TNFAIP2: variants seen among roughly 807,000 people sequenced by gnomAD.
The protein encoded by TNFAIP2 is tumor necrosis factor alpha-induced protein 2.
Under a neutral mutation model 63.5 loss-of-function variants are expected in TNFAIP2, and 47 were observed. The ratio of observed to expected loss-of-function variants is 0.74; its 90% confidence interval spans 0.59 to 0.94. TNFAIP2 has a LOEUF of 0.94. Among genes scored for constraint, TNFAIP2 ranks in the 40% least tolerant of loss-of-function variants. TNFAIP2 has a pLI of 0.00. For synonymous variants in TNFAIP2, 405 were observed against 390.2 expected, an observed-to-expected ratio of 1.04 and a Z score of -0.45; for missense variants, 787 against 850.2, an observed-to-expected ratio of 0.93 and a Z score of 0.92.
Position 103,131,777 on chromosome 14 carries a change from T to C in TNFAIP2, c.1422+15T>C. On this transcript the variant is annotated intron_variant, in intron 8 of 11. Transcript: ENST00000560869. The surrounding 1 kb of genome is among the most constrained non-coding windows in gnomAD (Gnocchi z 4.0). Reference sequence around the variant, plus strand: ...AGGACCTGAAGGTAGCGGGAGCCTCTTGCCCTCAGGAGCCCAGTGTTGGGG... The same window carrying C: ...AGGACCTGAAGGTAGCGGGAGCCTCCTGCCCTCAGGAGCCCAGTGTTGGGG... 6.2e-7 allele frequency: 1 copy of C among 1,607,826 alleles called. No homozygotes were observed. Among genetic ancestry groups the C allele is most frequent in the Non-Finnish European group, 8.5e-7 (1 of 1,177,214 alleles).
chr14:103,133,580 T>G, intron 10 of TNFAIP2, 63 bp downstream of exon 10: 5 of 1,590,600 alleles, frequency 3.1e-6, no homozygotes, highest in Middle Eastern at 1.7e-4. Flanking sequence ...CCCTAGCCCT[T>G]TCAGGGTCGG....
upstream of TNFAIP2, chr14:103,122,738 C>T (rs924652923): frequency 2.2e-6 from 1 of 455,882 alleles, no homozygotes; most frequent in African/African-American, 2.0e-5. Context: ...CTGCCTGCTC[C>T]GGCAGCCTGT....
At chr14:103,129,514 G>A in intron 3 of TNFAIP2, among the ~76,000 whole-genome samples, 1 of 119,500 alleles carries the variant, frequency 8.4e-6, no homozygotes, top group East Asian at 2.3e-4. Context: ...TGGGGGGGGG[G>A]TGGTGAGAGA....
rs2139551999 is a variant in TNFAIP2 at position 103,127,248 on chromosome 14, A to G, written c.479A>G (p.Glu160Gly). ...RLRQALAVVAEQEREDRQAAA... is the reference protein window; with the variant it reads ...RLRQALAVVAGQEREDRQAAA... Reference sequence around the variant, plus strand: ...CGCCAGGCGCTGGCCGTGGTGGCGGAGCAGGAGCGCGAGGACCGCCAGGCG... The same window carrying G: ...CGCCAGGCGCTGGCCGTGGTGGCGGGGCAGGAGCGCGAGGACCGCCAGGCG... The change falls in exon 3 of 12, where the codon GAG becomes GGG. Residue 160 changes from glutamate (E) to glycine (G), a missense_variant. Coordinates refer to ENST00000560869, the MANE Select transcript of TNFAIP2 (RefSeq NM_006291.4). This position sits in a 1 kb window ranked among gnomAD's most constrained non-coding sequence, Gnocchi z 5.1. 4 of 1,041,074 alleles carry G rather than the reference A, an allele frequency of 3.8e-6. No individual in the cohort carries two copies. Among genetic ancestry groups the G allele is most frequent in the Non-Finnish European group, 4.6e-6 (4 of 866,548 alleles). The allele number at this position is 1,041,074 out of a possible 1,614,324, so 64.5% of individuals were successfully genotyped here.
rs753184579 is a variant in TNFAIP2 at position 103,133,431 on chromosome 14, GTCC to G, written c.1618_1620del (p.Leu540del). 6.2e-7 allele frequency: 1 copy of G among 1,613,984 alleles called. No individual in the cohort carries two copies. On this transcript the variant is annotated inframe_deletion, in exon 10 of 12. Coordinates refer to ENST00000560869, the MANE Select transcript of TNFAIP2 (RefSeq NM_006291.4). ...CATCCAACTCAGCAAGGGGCGCCTG[GTCC>G]TCAAGACGGCCGAGCAGCAGCAGCA...
At chr14:103,128,486 G>A (rs1196068203) in intron 3 of TNFAIP2, among the ~76,000 whole-genome samples, 1 of 152,206 alleles carries the variant, frequency 6.6e-6, no homozygotes, top group Non-Finnish European at 1.5e-5. Context: ...GCCCAGGGCG[G>A]GGGAGTCCAG....
At chr14:103,125,770 C>T (rs184512638) in intron 1 of TNFAIP2, among the ~76,000 whole-genome samples, 28 of 152,320 alleles carry the variant, frequency 1.8e-4, no homozygotes, top group Non-Finnish European at 3.2e-4. Context: ...GTGACCCCAC[C>T]GCTGGATCAG....
At position 103,136,424 on chromosome 14, in the gene TNFAIP2, ACTTCAGGCTCCTCCAT is replaced by A. The variant is rs2088096470; in HGVS notation, c.*1071_*1086del. ...TTTTAGAGGCTGACCGTAATTCTTG[ACTTCAGGCTCCTCCAT>A]CTTCAGAGCCAGCTGTGGGTAGTTG... On this transcript the variant is annotated 3_prime_UTR_variant, in exon 12 of 12. Transcript: ENST00000560869. 4 of 152,284 alleles carry A rather than the reference ACTTCAGGCTCCTCCAT, an allele frequency of 2.6e-5. No individual in the cohort carries two copies. Among genetic ancestry groups the A allele is most frequent in the Admixed American group, 2.6e-4 (4 of 15,280 alleles). The allele number at this position is 152,284 out of a possible 1,614,324, so 9.4% of individuals were successfully genotyped here.
upstream of TNFAIP2, chr14:103,122,844 G>T (rs1443703843): frequency 2.2e-6 from 1 of 455,116 alleles, no homozygotes; most frequent in Non-Finnish European, 4.4e-6. Flanking sequence ...GGTGTGAGCC[G>T]GGTCAGCCAC....
rs1467600988 is a variant in TNFAIP2, at chr14:103,135,326, C to A, written c.1931C>A (p.Ser644Tyr). 1 of 1,613,134 alleles carries A rather than the reference C, an allele frequency of 6.2e-7. No individual in the cohort carries two copies. The highest frequency in any genetic ancestry group is 1.1e-5 in the South Asian group (1 of 91,044). The part of the protein sequence containing the change: ...LDVSMGAQEP[S>Y]RPLFSLIKVG ...GTCAGCATGGGGGCGCAGGAGCCCT[C>A]CCGGCCCCTATTTTCCCTTATAAAG... The change falls in exon 12 of 12, where the codon TCC becomes TAC. Residue 644 changes from serine (S) to tyrosine (Y), a missense_variant. This residue lies in a region of TNFAIP2 where 523 missense variants were observed against 604.1 expected (regional missense o/e 0.87). Transcript: ENST00000560869. The surrounding 1 kb of genome is among the most constrained non-coding windows in gnomAD (Gnocchi z 7.6).
chr14:103,132,979 CAT>C lies in TNFAIP2; in HGVS notation c.1545+108_1545+109del, dbSNP rs2088010351. 12 of 1,508,976 alleles carry C rather than the reference CAT, an allele frequency of 8.0e-6. No individual in the cohort carries two copies. In the South Asian group the frequency reaches 1.2e-4, roughly 15 times the overall value. The allele number at this position is 1,508,976 out of a possible 1,614,324, so 93.5% of individuals were successfully genotyped here. ...TCACGCACATGTGCTCACACGCGCA[CAT>C]GTGAACACACGTGAATGCACGAGCA... is the stretch of plus-strand genomic sequence containing the variant. On this transcript the variant is annotated intron_variant, in intron 9 of 11. Transcript: ENST00000560869.
In TNFAIP2 at chr14:103,131,144, C is replaced by T; in HGVS notation, c.1292C>T (p.Ser431Phe). The change falls in exon 7 of 12, where the codon TCC (serine) becomes TTC (phenylalanine). Residue 431 changes from serine (S) to phenylalanine (F), a missense_variant. Physicochemically the swap from Ser to Phe is radical, Grantham distance 155 (BLOSUM62 -2). Transcript: ENST00000560869. The surrounding 1 kb of genome is among the most constrained non-coding windows in gnomAD (Gnocchi z 4.0). ...NVIANINNCL[S>F]FRMSMEQNWQ... ...ATTGCCAACATCAACAACTGCCTGT[C>T]CTTCCGGTGAGAGTGTTGGGAGGGG... The T allele has an allele frequency of 6.2e-7, 1 of 1,614,136 alleles. No individual in the cohort carries two copies.
At position 103,135,693 on chromosome 14, in the gene TNFAIP2, C is replaced by G. The variant is rs2088080656; in HGVS notation, c.*333C>G. 2 of 1,247,008 alleles carry G rather than the reference C, an allele frequency of 1.6e-6. No homozygotes were observed. Among genetic ancestry groups the G allele is most frequent in the South Asian group, 3.0e-5 (2 of 65,920 alleles). The allele number at this position is 1,247,008 out of a possible 1,614,324, so 77.2% of individuals were successfully genotyped here. A position where few individuals can be genotyped will look rare whatever the true frequency, so the allele number is the denominator to read the frequency against. On this transcript the variant is annotated 3_prime_UTR_variant, in exon 12 of 12. Coordinates refer to ENST00000560869, the MANE Select transcript of TNFAIP2 (RefSeq NM_006291.4). This position sits in a 1 kb window ranked among gnomAD's most constrained non-coding sequence, Gnocchi z 7.6. ...CAGGCTCAGGGATCCCCGGACACCTCTGTCCAGAGCCCCTCCACAGTCGGC... is the reference window on the plus strand; with the variant it reads ...CAGGCTCAGGGATCCCCGGACACCTGTGTCCAGAGCCCCTCCACAGTCGGC...
Position 103,133,707 on chromosome 14 carries a change from C to T in TNFAIP2, c.1727C>T (p.Pro576Leu). The T allele has an allele frequency of 6.3e-7, 1 of 1,583,640 alleles. No individual in the cohort carries two copies. Among genetic ancestry groups the T allele is most frequent in the Non-Finnish European group, 8.6e-7 (1 of 1,169,032 alleles). ...QHGSPATWLQ[P>L]ALPTLAEIIR... is the part of the protein sequence containing the mutation. ...GGCTCCCCGGCGACCTGGCTGCAGC[C>T]TGCTCTCCCTACGCTGGCCGAGATC... is the stretch of plus-strand genomic sequence containing the variant. The change falls in exon 11 of 12, where the codon CCT (proline) becomes CTT (leucine). Residue 576 changes from proline (P) to leucine (L), a missense_variant. Around this residue, in one of 3 missense-constraint regions of TNFAIP2, gnomAD observed 523 missense variants for 604.1 expected, o/e 0.87. Transcript: ENST00000560869.
At chr14:103,125,532 T>C (rs2087835027) in intron 1 of TNFAIP2, among the ~76,000 whole-genome samples, 1 of 152,080 alleles carries the variant, frequency 6.6e-6, no homozygotes, top group Admixed American at 6.5e-5. Context: ...CTGCAGAAAC[T>C]GGAAGCCTTT....
At chr14:103,132,967 C>A in intron 9 of TNFAIP2, 95 bp downstream of exon 9, 2 of 1,551,782 alleles carry the variant, frequency 1.3e-6, no homozygotes, top group South Asian at 2.4e-5. Context: ...CGCACATGTG[C>A]TCACACGCGC....
chr14:103,122,156 A>T (rs1374701457), upstream of TNFAIP2, among the ~76,000 whole-genome samples: 1 of 152,136 alleles, frequency 6.6e-6, no homozygotes. Flanking sequence ...TTAACGCCCC[A>T]TCCTGCATCC....
chr14:103,133,165 A>AACAC (rs2088020048), intron 9 of TNFAIP2, among the ~76,000 whole-genome samples, 197 bp from the exon 10 acceptor site: 1 of 152,042 alleles, frequency 6.6e-6, no homozygotes, highest in African/African-American at 2.4e-5. Flanking sequence ...TGAACACGTG[A>AACAC]ACGCATGCAC....
intron 6 of TNFAIP2, 70 bp downstream of exon 6, chr14:103,130,485 C>T (rs2087951147): frequency 2.1e-6 from 3 of 1,424,352 alleles, no homozygotes; most frequent in Non-Finnish European, 2.9e-6. Flanking sequence ...CCTAGTGCCT[C>T]AGGTGGGGAG....
Sources: gnomAD v4.1 joint callset for allele counts (sites outside exome capture counted in the v4.1 genomes callset) on GRCh38, gnomAD v4.1.1 for gene constraint, gnomAD v4.1.1 regional missense constraint, Gnocchi (gnomAD v3.1) non-coding constraint, MANE v1.5 for transcripts, NCBI Gene and HGNC (gene_info 2026-07-23, HGNC 2026-07-21) for gene names.